PVT1: variants seen among roughly 807,000 people sequenced by gnomAD.
PVT1 encodes the protein Pvt1 oncogene.
intron 4 of PVT1, among the ~76,000 whole-genome samples, chr8:128,044,265 A>T (rs958072480): frequency 1.3e-5 from 2 of 151,582 alleles, no homozygotes; most frequent in African/African-American, 4.9e-5. Flanking sequence ...ACCTATCATC[A>T]TCTGACCCAG....
intron 4 of PVT1, among the ~76,000 whole-genome samples, chr8:128,029,801 A>C (rs987633726): frequency 6.8e-6 from 1 of 147,262 alleles, no homozygotes; most frequent in African/African-American, 2.7e-5. Context: ...TCTGTCTCAA[A>C]AACAAACAAA....
chr8:127,829,047 A>G lies in PVT1; in HGVS notation n.372+32976A>G, dbSNP rs183525826. Among the ~76,000 whole-genome samples, 130 of 152,232 alleles carry G rather than the reference A, an allele frequency of 8.5e-4. 1 individual carries two copies. The highest frequency in any genetic ancestry group is 3.0e-3 in the African/African-American group (126 of 41,530). On this transcript the variant is annotated intron_variant and non_coding_transcript_variant, in intron 2 of 10. Coordinates refer to ENST00000651587, the Ensembl canonical transcript of PVT1. ...GGTGGCTCACGTCTGTAATCCCAGC[A>G]CTTTGGGAAGCTGAGGTCAGGAGTT...
chr8:127,937,580 C>CAGAGAGAGAG (rs1554598547), intron 3 of PVT1, among the ~76,000 whole-genome samples: 78 of 107,864 alleles, frequency 7.2e-4, no homozygotes, highest in Admixed American at 2.3e-3. Context: ...CACACACACA[C>CAGAGAGAGAG]AGAGAGAGAG....
chr8:127,842,888 C>CTTAA (rs1814988653), intron 2 of PVT1, among the ~76,000 whole-genome samples: 1 of 152,246 alleles, frequency 6.6e-6, no homozygotes, highest in Non-Finnish European at 1.5e-5. Flanking sequence ...TGCCTAGTAC[C>CTTAA]CAACTTCCTA....
intron 3 of PVT1, among the ~76,000 whole-genome samples, chr8:127,908,675 G>A (rs1271277614): frequency 1.3e-5 from 2 of 152,088 alleles, no homozygotes; most frequent in Non-Finnish European, 2.9e-5. Context: ...TGGGACTCCC[G>A]GCTAAACACC....
chr8:128,004,598 T>C (rs1817224133), intron 4 of PVT1, among the ~76,000 whole-genome samples: 1 of 152,198 alleles, frequency 6.6e-6, no homozygotes, highest in African/African-American at 2.4e-5. Flanking sequence ...AATGAGATAA[T>C]GTATTTGTGG....
intron 2 of PVT1, among the ~76,000 whole-genome samples, chr8:127,801,139 C>A (rs767477373): frequency 6.6e-6 from 1 of 152,188 alleles, no homozygotes; most frequent in Admixed American, 6.5e-5. Context: ...TAGGAGAACC[C>A]GAGCAGCATG....
At chr8:127,921,369 A>T (rs577340047) in intron 3 of PVT1, among the ~76,000 whole-genome samples, 1 of 152,328 alleles carries the variant, frequency 6.6e-6, no homozygotes, top group African/African-American at 2.4e-5. Flanking sequence ...AGGTCTTCGA[A>T]AGGTGTTTTG....
intron 6 of PVT1, among the ~76,000 whole-genome samples, chr8:128,098,668 G>C (rs3931280): frequency 0.39 from 58,786 of 152,066 alleles, 13,535 homozygotes; most frequent in Non-Finnish European, 0.53. Flanking sequence ...AGATAATATG[G>C]TTCCTGGCAC....
At chr8:127,832,359 A>T (rs1563616785) in intron 2 of PVT1, among the ~76,000 whole-genome samples, 1 of 152,238 alleles carries the variant, frequency 6.6e-6, no homozygotes, top group Non-Finnish European at 1.5e-5. Context: ...CTTTGAGCCC[A>T]GACTCAGCTT....
At chr8:127,911,319 T>C (rs1045632782) in intron 3 of PVT1, among the ~76,000 whole-genome samples, 10 of 152,224 alleles carry the variant, frequency 6.6e-5, no homozygotes, top group African/African-American at 1.4e-4. Context: ...GCAGCTGGGT[T>C]GAGACTCAAA....
intron 4 of PVT1, among the ~76,000 whole-genome samples, chr8:128,037,572 A>G (rs933137664): frequency 6.6e-6 from 1 of 152,146 alleles, no homozygotes; most frequent in African/African-American, 2.4e-5. Flanking sequence ...GAGGATCTCA[A>G]TGCATTTTTT....
rs1385300904 is a variant in PVT1 at position 127,998,814 on chromosome 8, C to T, written n.912+9523C>T. Among the ~76,000 whole-genome samples the T allele has an allele frequency of 2.5e-5, 3 of 117,822 alleles. No homozygotes were observed. In the East Asian group the frequency reaches 7.1e-4, roughly 28 times the overall value. 77.3% of individuals were successfully genotyped at this position (117,822 alleles called of 152,430 possible). ...TTCCTTTCCTCCTTCCTCTTCTCCTCCTCCCCTTCCTTCCTTCCTTCCTTC... is the reference window on the plus strand; with the variant it reads ...TTCCTTTCCTCCTTCCTCTTCTCCTTCTCCCCTTCCTTCCTTCCTTCCTTC... On this transcript the variant is annotated intron_variant and non_coding_transcript_variant, in intron 4 of 10. Coordinates refer to ENST00000651587, the Ensembl canonical transcript of PVT1.
intron 2 of PVT1, chr8:127,854,767 C>CAT (rs1047559438): frequency 2.1e-4 from 33 of 159,588 alleles, no homozygotes; most frequent in Non-Finnish European, 4.2e-4. Context: ...ACAGGAAGAG[C>CAT]ATACACATCT....
chr8:128,009,944 A>G (rs2130033662), intron 4 of PVT1, among the ~76,000 whole-genome samples: 1 of 152,342 alleles, frequency 6.6e-6, no homozygotes. Flanking sequence ...TGATTTCAGG[A>G]AAGTCGACTA....
intron 2 of PVT1, among the ~76,000 whole-genome samples, chr8:127,868,727 T>C (rs1012250134): frequency 8.4e-4 from 27 of 32,254 alleles, no homozygotes; most frequent in South Asian, 1.3e-3. Flanking sequence ...TTAATAGTCC[T>C]GTGTGTATAA....
At chr8:127,907,871 C>A (rs759430029) in intron 3 of PVT1, among the ~76,000 whole-genome samples, 7 of 152,006 alleles carry the variant, frequency 4.6e-5, no homozygotes, top group Non-Finnish European at 7.4e-5. Flanking sequence ...AGGGGGGTAG[C>A]TGAAGAAATA....
chr8:127,969,549 T>TTGGTA (rs1816740916), intron 3 of PVT1, among the ~76,000 whole-genome samples: 1 of 152,190 alleles, frequency 6.6e-6, no homozygotes, highest in African/African-American at 2.4e-5. Flanking sequence ...TATGCAGCCA[T>TTGGTA]TCAAACATTC....
intron 4 of PVT1, among the ~76,000 whole-genome samples, chr8:127,989,684 A>T (rs1206890337): frequency 6.6e-6 from 1 of 152,166 alleles, no homozygotes; most frequent in Non-Finnish European, 1.5e-5. Context: ...CATCCAGAAC[A>T]TGAGCTCTTC....
Sources: allele counts gnomAD v4.1 joint callset (sites outside exome capture counted in the v4.1 genomes callset), GRCh38; gene constraint gnomAD v4.1.1; transcripts MANE v1.5; gene names NCBI Gene and HGNC (gene_info 2026-07-23, HGNC 2026-07-21).